MORC1: variants seen among roughly 807,000 people sequenced by gnomAD.
MORC1 encodes the protein MORC family CW-type zinc finger 1.
MORC1 carries 59 observed loss-of-function variants against 134.9 expected under a neutral mutation model. That is an observed-to-expected ratio of 0.44 (90% CI 0.35 to 0.54). The LOEUF (loss-of-function observed/expected upper bound fraction) is 0.54. Ranked by LOEUF, MORC1 falls within the 20% of genes least tolerant of loss-of-function variation. The pLI, the probability that MORC1 is intolerant of heterozygous loss-of-function variation, is 0.00. For synonymous variants in MORC1, 395 were observed against 391.7 expected (o/e 1.01, Z -0.10); for missense variants, 947 against 1,134.5 (o/e 0.83, Z 2.37).
chr3:108,982,429 C>T (rs1022141966), intron 23 of MORC1, among the ~76,000 whole-genome samples: 1 of 152,010 alleles, frequency 6.6e-6, no homozygotes, highest in Non-Finnish European at 1.5e-5. Flanking sequence ...ATAAATCATG[C>T]TACTATAAAG....
intron 24 of MORC1, among the ~76,000 whole-genome samples, chr3:108,973,681 C>T (rs970757415): frequency 2.0e-5 from 3 of 148,620 alleles, no homozygotes; most frequent in Non-Finnish European, 4.5e-5. Context: ...ACTGCATCCT[C>T]GGCCTCCTGG....
intron 14 of MORC1, among the ~76,000 whole-genome samples, chr3:109,037,437 T>C (rs1949403932): frequency 1.3e-5 from 2 of 152,178 alleles, no homozygotes; most frequent in Non-Finnish European, 2.9e-5. Context: ...TTTCTTTCTA[T>C]GTGTTTGTGT....
At chr3:109,073,920 A>G (rs1950369261) in intron 8 of MORC1, among the ~76,000 whole-genome samples, 1 of 152,186 alleles carries the variant, frequency 6.6e-6, no homozygotes. Context: ...ATTTTTTTAA[A>G]AAAGTTATAA....
chr3:109,041,016 C>G (rs2107634944), intron 14 of MORC1, among the ~76,000 whole-genome samples: 1 of 151,284 alleles, frequency 6.6e-6, no homozygotes, highest in East Asian at 2.0e-4. Flanking sequence ...TTTGAGAAAG[C>G]AGAAGAGAAG....
At chr3:109,083,308 T>TAAAAA (rs562094409) in intron 8 of MORC1, among the ~76,000 whole-genome samples, 1 of 39,346 alleles carries the variant, frequency 2.5e-5, no homozygotes, top group Non-Finnish European at 5.6e-5. Context: ...AATACTAAGG[T>TAAAAA]AAAGAAAAAA....
chr3:109,033,563 T>A (rs954498177), intron 15 of MORC1, among the ~76,000 whole-genome samples: 8 of 152,142 alleles, frequency 5.3e-5, no homozygotes, highest in Admixed American at 2.6e-4. Context: ...TTAACACTTG[T>A]CCCTTTCATC....
chr3:109,088,081 C>T (rs563586863), intron 8 of MORC1, among the ~76,000 whole-genome samples: 32 of 151,956 alleles, frequency 2.1e-4, no homozygotes, highest in African/African-American at 6.0e-4. Context: ...TAACTCAGGA[C>T]GAATTAAAGA....
At chr3:109,007,194 G>T in intron 17 of MORC1, 103 bp from the exon 18 acceptor site, 1 of 808,896 alleles carries the variant, frequency 1.2e-6, no homozygotes, top group Non-Finnish European at 2.0e-6. Flanking sequence ...GAAGGGTCAA[G>T]ATAGCAAACC....
chr3:108,980,449 C>A (rs1947684431), intron 23 of MORC1, among the ~76,000 whole-genome samples: 1 of 152,122 alleles, frequency 6.6e-6, no homozygotes, highest in African/African-American at 2.4e-5. Context: ...AGCATGGGGA[C>A]CCACACACCT....
chr3:109,107,441 C>T (rs907278357), intron 3 of MORC1, among the ~76,000 whole-genome samples: 1 of 152,144 alleles, frequency 6.6e-6, no homozygotes, highest in Admixed American at 6.5e-5. Flanking sequence ...ATGCCAATTT[C>T]TTAAGAGTGT....
intron 8 of MORC1, among the ~76,000 whole-genome samples, chr3:109,076,391 A>C (rs1950422093): frequency 6.6e-6 from 1 of 152,216 alleles, no homozygotes; most frequent in African/African-American, 2.4e-5. Flanking sequence ...ACTGTAAATT[A>C]GTTCAACCAT....
At chr3:109,066,207 T>C (rs538824125) in intron 9 of MORC1, among the ~76,000 whole-genome samples, 1 of 152,192 alleles carries the variant, frequency 6.6e-6, no homozygotes, top group East Asian at 1.9e-4. Context: ...TGATATTTTA[T>C]CATCAATTTT....
chr3:108,986,968 A>C lies in MORC1; in HGVS notation c.2188-19T>G, dbSNP rs1250344735. 1 of 1,544,414 alleles carries C rather than the reference A, an allele frequency of 6.5e-7. No homozygotes were observed. The highest frequency in any genetic ancestry group is 8.7e-7 in the Non-Finnish European group (1 of 1,146,828). Reference sequence around the variant, plus strand: ...CTGAAACCTGAAAAACAAGCTCTTTATTTAAAACTGTACAAAAACATAGGA... The same window carrying C: ...CTGAAACCTGAAAAACAAGCTCTTTCTTTAAAACTGTACAAAAACATAGGA... On this transcript the variant is annotated intron_variant, in intron 21 of 27. Transcript: ENST00000232603.
At chr3:109,099,877 C>T (rs1950894238) in intron 5 of MORC1, among the ~76,000 whole-genome samples, 2 of 152,160 alleles carry the variant, frequency 1.3e-5, no homozygotes, top group South Asian at 4.1e-4. Context: ...TACAGGGGTA[C>T]CGCTTCAGGA....
At chr3:109,055,415 A>G (rs1408488626) in intron 13 of MORC1, among the ~76,000 whole-genome samples, 4 of 152,218 alleles carry the variant, frequency 2.6e-5, no homozygotes, top group African/African-American at 4.8e-5. Flanking sequence ...GGCAAAGAGC[A>G]TACCACTGTC....
intron 14 of MORC1, among the ~76,000 whole-genome samples, chr3:109,047,642 A>C (rs1173365884): frequency 2.0e-5 from 3 of 152,118 alleles, no homozygotes; most frequent in African/African-American, 7.2e-5. Context: ...AACAGAGTAC[A>C]TATTTATGTC....
intron 14 of MORC1, among the ~76,000 whole-genome samples, chr3:109,045,880 T>C (rs530220685): frequency 5.4e-4 from 82 of 152,254 alleles, no homozygotes; most frequent in African/African-American, 1.8e-3. Flanking sequence ...AAATGTCAGC[T>C]TCCTCATTTG....
At chr3:108,973,376 GAAGGGGTTCTAAC>G (rs1378956020) in intron 24 of MORC1, among the ~76,000 whole-genome samples, 16 of 152,232 alleles carry the variant, frequency 1.1e-4, no homozygotes, top group Non-Finnish European at 2.2e-4. Context: ...GAGACCAGAA[GAAGGGGTTCTAAC>G]TCATATTTCA....
intron 17 of MORC1, among the ~76,000 whole-genome samples, chr3:109,016,356 C>T (rs185724111): frequency 1.6e-4 from 25 of 152,166 alleles, no homozygotes; most frequent in Admixed American, 5.9e-4. Flanking sequence ...TTTACTGTAC[C>T]CTCCATATAA....
Sources: gnomAD v4.1 joint callset for allele counts (sites outside exome capture counted in the v4.1 genomes callset) on GRCh38, gnomAD v4.1.1 for gene constraint, MANE v1.5 for transcripts, NCBI Gene and HGNC (gene_info 2026-07-23, HGNC 2026-07-21) for gene names.